The following ATP6V0A4 variants were observed in gnomAD, a reference collection of about 807,000 sequenced individuals.
ATP6V0A4 encodes the protein ATPase H+ transporting V0 subunit a4.
ATP6V0A4 carries 86 observed loss-of-function variants against 107.3 expected under a neutral mutation model. That is an observed-to-expected ratio of 0.80 (90% confidence interval 0.67 to 0.96). The LOEUF (loss-of-function observed/expected upper bound fraction) is 0.96. ATP6V0A4 is among the 40% of genes least tolerant of loss of function. ATP6V0A4 has a pLI of 0.00. For synonymous variants in ATP6V0A4, 353 were observed against 381.4 expected (o/e 0.93, Z 0.87); for missense variants, 908 against 1,045.6 (o/e 0.87, Z 1.81).
At chr7:138,710,706 C>T (rs924703024) in intron 20 of ATP6V0A4, among the ~76,000 whole-genome samples, 6 of 152,200 alleles carry the variant, frequency 3.9e-5, no homozygotes, top group African/African-American at 1.4e-4. Flanking sequence ...GTACTGAGCA[C>T]AGGAGGTGAA....
At chr7:138,743,743 C>G (rs1805759937) in intron 14 of ATP6V0A4, among the ~76,000 whole-genome samples, 1 of 152,168 alleles carries the variant, frequency 6.6e-6, no homozygotes, top group Non-Finnish European at 1.5e-5. Context: ...AAATCTTAAG[C>G]TGACCCAAAG....
intron 14 of ATP6V0A4, among the ~76,000 whole-genome samples, chr7:138,743,327 G>A (rs577830872): frequency 4.7e-4 from 72 of 151,924 alleles, no homozygotes; most frequent in African/African-American, 1.7e-3. Context: ...GTGTGGTGGT[G>A]TGTGCCTGTA....
chr7:138,742,503 G>A (rs143002071), intron 14 of ATP6V0A4, among the ~76,000 whole-genome samples: 6 of 152,226 alleles, frequency 3.9e-5, no homozygotes, highest in African/African-American at 1.4e-4. Flanking sequence ...GCAGAACTAA[G>A]TGTAAGAATG....
In ATP6V0A4 at chr7:138,719,837, G is replaced by C. The variant is rs189748491; in HGVS notation, c.2139+2060C>G. On this transcript the variant is annotated intron_variant, in intron 19 of 21. Coordinates refer to ENST00000310018, the MANE Select transcript of ATP6V0A4 (RefSeq NM_020632.3). ...GAGTTAAAGGCCAGCCTGGCCAACA[G>C]GGTGAAATCCCATCTCTACAAAAAT... Among the ~76,000 whole-genome samples the C allele has an allele frequency of 7.8e-4, 119 of 152,214 alleles. 2 individuals are homozygous for C. Among genetic ancestry groups the C allele is most frequent in the Admixed American group, 6.4e-3 (98 of 15,242 alleles).
chr7:138,747,666 T>C (rs1413326939), intron 12 of ATP6V0A4, 102 bp from the exon 13 acceptor site: 1 of 1,528,986 alleles, frequency 6.5e-7, no homozygotes, highest in African/African-American at 1.4e-5. Context: ...CGGGTTTCCT[T>C]AAGCCTTTCT....
rs1240929087 is a variant in ATP6V0A4 at position 138,756,477 on chromosome 7, T to C, written c.703A>G (p.Ile235Val). 1 of 1,613,612 alleles carries C rather than the reference T, an allele frequency of 6.2e-7. No individual in the cohort carries two copies. The highest frequency in any genetic ancestry group is 1.3e-5 in the African/African-American group (1 of 74,906). The change falls in exon 9 of 22, where the codon ATC becomes GTC. Residue 235 changes from isoleucine (I) to valine (V), a missense_variant. Ile to Val is a conservative substitution (Grantham distance 29). Coordinates refer to ENST00000310018, the MANE Select transcript of ATP6V0A4 (RefSeq NM_020632.3). ...FYQGEQLRQK[I>V]KKICDGFRAT... is the part of the protein sequence containing the mutation. ...TCTTACCCATCACAGATCTTCTTGATTTTCTGCCTGAGCTGCTCTCCTTGG... is the reference window on the plus strand; with the variant it reads ...TCTTACCCATCACAGATCTTCTTGACTTTCTGCCTGAGCTGCTCTCCTTGG...
intron 1 of ATP6V0A4, among the ~76,000 whole-genome samples, chr7:138,787,170 C>T (rs1192604608): frequency 2.6e-5 from 4 of 152,160 alleles, no homozygotes; most frequent in Admixed American, 6.6e-5. Flanking sequence ...CATGCCATCA[C>T]GGTAGCTTTC....
chr7:138,771,287 T>C, intron 2 of ATP6V0A4, 23 bp from the exon 3 acceptor site: 2 of 1,610,136 alleles, frequency 1.2e-6, no homozygotes, highest in Non-Finnish European at 8.5e-7. Context: ...AAGAAAAAGA[T>C]ATTAATATTT....
chr7:138,776,044 T>C (rs1307913192), intron 2 of ATP6V0A4, among the ~76,000 whole-genome samples: 1 of 152,114 alleles, frequency 6.6e-6, no homozygotes, highest in Admixed American at 6.6e-5. Context: ...ACTCCTAGCC[T>C]ACAAGTAATC....
chr7:138,747,583 C>CA lies in ATP6V0A4; in HGVS notation c.1181-20dup. The CA allele has an allele frequency of 6.2e-7, 1 of 1,613,448 alleles. No homozygotes were observed. On this transcript the variant is annotated intron_variant, in intron 12 of 21. Coordinates refer to ENST00000310018, the MANE Select transcript of ATP6V0A4 (RefSeq NM_020632.3). ...TAGGGGGCTGCGGAGGGGAGACACA[C>CA]AACGCCTGAGGCCTCAGCACAGCCT...
chr7:138,762,491 C>T (rs755063921), intron 6 of ATP6V0A4, 57 bp from the exon 7 acceptor site: 6 of 1,604,252 alleles, frequency 3.7e-6, no homozygotes, highest in Non-Finnish European at 5.1e-6. Context: ...ACTCAAAAGG[C>T]ACCTACACCT....
chr7:138,715,280 C>T (rs527334590), intron 20 of ATP6V0A4, among the ~76,000 whole-genome samples: 1 of 152,134 alleles, frequency 6.6e-6, no homozygotes, highest in Non-Finnish European at 1.5e-5. Flanking sequence ...CGGCTCACTG[C>T]GACCTCTGCC....
intron 1 of ATP6V0A4, among the ~76,000 whole-genome samples, chr7:138,791,541 G>A (rs1304524562): frequency 6.6e-6 from 1 of 152,066 alleles, no homozygotes; most frequent in Non-Finnish European, 1.5e-5. Flanking sequence ...TAAAACTGCT[G>A]AAAACCAAAG....
chr7:138,767,608 A>G (rs1025775251), intron 5 of ATP6V0A4, among the ~76,000 whole-genome samples: 2 of 151,356 alleles, frequency 1.3e-5, no homozygotes, highest in African/African-American at 4.9e-5. Flanking sequence ...TATACTACTC[A>G]TGGCTTTGAA....
At chr7:138,770,234 A>AAAGG (rs200317765) in intron 3 of ATP6V0A4, among the ~76,000 whole-genome samples, 1 of 151,972 alleles carries the variant, frequency 6.6e-6, no homozygotes, top group African/African-American at 2.4e-5. Flanking sequence ...AGAAAAGAAA[A>AAAGG]AAGGAAGGAA....
chr7:138,721,492 T>C (rs1041610790), intron 19 of ATP6V0A4, among the ~76,000 whole-genome samples: 1 of 151,994 alleles, frequency 6.6e-6, no homozygotes, highest in Admixed American at 6.6e-5. Flanking sequence ...TGAGCCGAAA[T>C]TGGCTCACTC....
chr7:138,755,835 C>T, intron 9 of ATP6V0A4, 53 bp from the exon 10 acceptor site: 8 of 1,598,582 alleles, frequency 5.0e-6, no homozygotes, highest in Non-Finnish European at 5.9e-6. Flanking sequence ...GCAAAGCATT[C>T]TGCATCCCCT....
At chr7:138,764,003 T>C (rs1806963218) in intron 5 of ATP6V0A4, among the ~76,000 whole-genome samples, 1 of 148,548 alleles carries the variant, frequency 6.7e-6, no homozygotes, top group South Asian at 2.1e-4. Context: ...TGTATATATA[T>C]ACACACACAC....
chr7:138,735,564 G>A (rs949619438), intron 15 of ATP6V0A4, among the ~76,000 whole-genome samples: 17 of 152,142 alleles, frequency 1.1e-4, no homozygotes, highest in Non-Finnish European at 1.8e-4. Context: ...CCTGAGCCAG[G>A]CCAGAGGGGC....
Sources: gnomAD v4.1 joint callset for allele counts (sites outside exome capture counted in the v4.1 genomes callset) on GRCh38, gnomAD v4.1.1 for gene constraint, MANE v1.5 for transcripts, NCBI Gene and HGNC (gene_info 2026-07-23, HGNC 2026-07-21) for gene names.